Variants in SVEP1 observed in about 807,000 individuals in gnomAD.
The protein encoded by SVEP1 is sushi, von Willebrand factor type A, EGF and pentraxin domain containing 1.
A neutral mutation model predicts 367.3 loss-of-function variants in SVEP1; 164 were observed. The ratio of observed to expected loss-of-function variants is 0.45; its 90% CI spans 0.39 to 0.51. The LOEUF is 0.51. Among genes scored for constraint, SVEP1 ranks in the 20% least tolerant of loss-of-function variants. The pLI is 0.00. For synonymous variants in SVEP1, 1,666 were observed against 1,611.6 expected (o/e 1.03, Z -0.81); for missense variants, 4,117 against 4,425.3 (o/e 0.93, Z 1.98).
At chr9:110,393,563 G>T (rs192234653) in intron 40 of SVEP1, among the ~76,000 whole-genome samples, 1 of 152,166 alleles carries the variant, frequency 6.6e-6, no homozygotes, top group East Asian at 1.9e-4. Context: ...ATGAGGCATC[G>T]CCTCACCCGG....
In SVEP1 at chr9:110,411,733, T is replaced by C. The variant is rs1438556103; in HGVS notation, c.5978A>G (p.Tyr1993Cys). 11 of 1,550,702 alleles carry C rather than the reference T, an allele frequency of 7.1e-6. No individual in the cohort carries two copies. Among genetic ancestry groups the C allele is most frequent in the African/African-American group, 1.4e-5 (1 of 73,152 alleles). ...AATGGTGTCAAGACCAGCAAGAGTA[T>C]AGCTGTGAGGTTGGGAAGAAAGAAA... is the stretch of plus-strand genomic sequence containing the variant. The part of the protein sequence containing the change: ...NTVTYTCKEG[Y>C]TLAGLDTIEC... Residue 1993 changes from tyrosine (Y) to cysteine (C), a missense_variant and splice_region_variant, in exon 37 of 48, where the codon TAT (tyrosine) becomes TGT (cysteine). Coordinates refer to ENST00000374469, the MANE Select transcript of SVEP1 (RefSeq NM_153366.4).
Position 110,400,724 on chromosome 9 carries a change from A to G in SVEP1, c.9822+130T>C, listed in dbSNP as rs915657414. On this transcript the variant is annotated intron_variant, in intron 40 of 47. Transcript: ENST00000374469. ...AATATTTCTTGGAAAATGTTAGAGT[A>G]TAAGGGAACAAAGTATAATAGAATC... is the stretch of plus-strand genomic sequence containing the variant. 17 of 1,035,968 alleles carry G rather than the reference A, an allele frequency of 1.6e-5. No individual in the cohort carries two copies. In the East Asian group the frequency reaches 1.9e-4, roughly 11 times the overall value. 64.2% of individuals were successfully genotyped at this position (1,035,968 alleles called of 1,614,324 possible).
intron 3 of SVEP1, among the ~76,000 whole-genome samples, chr9:110,518,873 A>G (rs772866420): frequency 6.6e-6 from 1 of 152,152 alleles, no homozygotes; most frequent in African/African-American, 2.4e-5. Flanking sequence ...TTTCAAAACT[A>G]TAAATTCAGT....
chr9:110,457,449 T>C, intron 20 of SVEP1, 97 bp from the exon 21 acceptor site: 5 of 880,122 alleles, frequency 5.7e-6, no homozygotes, highest in Non-Finnish European at 8.9e-6. Context: ...AGACAGCTCG[T>C]TCCTCCTGTT....
intron 24 of SVEP1, among the ~76,000 whole-genome samples, chr9:110,447,329 T>C (rs1460801888): frequency 6.6e-6 from 1 of 152,224 alleles, no homozygotes; most frequent in Non-Finnish European, 1.5e-5. Flanking sequence ...TCTCTCCTCA[T>C]AGGAGTTCTC....
chr9:110,465,742 A>G (rs1326032762), intron 18 of SVEP1, 123 bp downstream of exon 18: 1 of 1,256,556 alleles, frequency 8.0e-7, no homozygotes, highest in African/African-American at 1.5e-5. Context: ...CCTCTTTATG[A>G]AGAGACAGTT....
rs555902060 is a variant in SVEP1, at chr9:110,511,573, A to C, written c.1303+1353T>G. 3.9e-5 allele frequency among the ~76,000 whole-genome samples: 5 copies of C among 128,856 alleles called. No individual in the cohort carries two copies. The Admixed American group carries it at 4.4e-4, about 11-fold the overall frequency. 84.5% of individuals were successfully genotyped at this position (128,856 alleles called of 152,430 possible). ...TCTCAAATTTCTTTCATTGCTTGGA[A>C]TCCTGGCCTTATTTTAGCAATGTAG... On this transcript the variant is annotated intron_variant, in intron 5 of 47. Coordinates refer to ENST00000374469, the MANE Select transcript of SVEP1 (RefSeq NM_153366.4).
In SVEP1 at chr9:110,375,465, T is replaced by TTAAA; in HGVS notation, c.10505-3_10505-2insTTTA. ...TCAGACAGGGAAGAATGCAGATTGC[T>TTAAA]AAAAAAAAAAAAAAAAAAAAAAAAA... On this transcript the variant is annotated splice_region_variant and splice_polypyrimidine_tract_variant and intron_variant, in intron 45 of 47. Coordinates refer to ENST00000374469, the MANE Select transcript of SVEP1 (RefSeq NM_153366.4). 2 of 555,402 alleles carry TTAAA rather than the reference T, an allele frequency of 3.6e-6. No homozygotes were observed. Among genetic ancestry groups the TTAAA allele is most frequent in the Admixed American group, 4.5e-5 (1 of 22,340 alleles). 34.4% of individuals were successfully genotyped at this position (555,402 alleles called of 1,614,324 possible).
intron 29 of SVEP1, among the ~76,000 whole-genome samples, 196 bp from the exon 30 acceptor site, chr9:110,434,702 A>ACTCTCCCTC (rs1828407684): frequency 6.9e-6 from 1 of 144,002 alleles, no homozygotes; most frequent in Middle Eastern, 3.6e-3. Flanking sequence ...TAAGTCAATA[A>ACTCTCCCTC]CTCTCCCTCT....
rs376229752 is a variant in SVEP1 at position 110,457,309 on chromosome 9, G to A, written c.3620C>T (p.Thr1207Ile). ...ATAACCACGCCCAAGTTGCTGGCAGGTTCCACTATTGTGGCAAGGGTTAAA... is the reference window on the plus strand; with the variant it reads ...ATAACCACGCCCAAGTTGCTGGCAGATTCCACTATTGTGGCAAGGGTTAAA... ...CFFNPCHNSG[T>I]CQQLGRGYVC... The change falls in exon 21 of 48, where the codon ACC (threonine) becomes ATC (isoleucine). Residue 1207 changes from threonine to isoleucine, a missense_variant. By Grantham distance (89) the Thr-to-Ile change is moderately conservative (BLOSUM62 -1). This residue lies in a region of SVEP1 where 2,174 missense variants were observed against 2,494.3 expected (regional missense o/e 0.87). Coordinates refer to ENST00000374469, the MANE Select transcript of SVEP1 (RefSeq NM_153366.4). 23 of 1,612,482 alleles carry A rather than the reference G, an allele frequency of 1.4e-5. No individual in the cohort carries two copies. The highest frequency in any genetic ancestry group is 6.6e-5 in the South Asian group (6 of 90,776).
chr9:110,501,966 G>A (rs1829539483), intron 6 of SVEP1, among the ~76,000 whole-genome samples: 1 of 151,994 alleles, frequency 6.6e-6, no homozygotes, highest in Non-Finnish European at 1.5e-5. Context: ...ACAGACCAAC[G>A]TAATGTTGGT....
At chr9:110,473,906 T>C (rs947902804) in intron 14 of SVEP1, among the ~76,000 whole-genome samples, 1 of 152,242 alleles carries the variant, frequency 6.6e-6, no homozygotes, top group Non-Finnish European at 1.5e-5. Context: ...TTCTATACAA[T>C]GTATGAATAT....
intron 43 of SVEP1, 137 bp downstream of exon 43, chr9:110,385,761 T>G (rs2118961502): frequency 2.1e-6 from 2 of 970,082 alleles, no homozygotes; most frequent in East Asian, 6.1e-5. Context: ...TTACAAACAT[T>G]AATGAGGAAG....
At chr9:110,380,883 T>C (rs1035350039) in intron 43 of SVEP1, among the ~76,000 whole-genome samples, 5 of 152,228 alleles carry the variant, frequency 3.3e-5, no homozygotes, top group Non-Finnish European at 7.3e-5. Context: ...TATTGGTCTA[T>C]TCAGGGATTC....
At chr9:110,413,742 G>T (rs1254319680) in intron 36 of SVEP1, among the ~76,000 whole-genome samples, 1 of 151,902 alleles carries the variant, frequency 6.6e-6, no homozygotes, top group Non-Finnish European at 1.5e-5. Flanking sequence ...AGGATATACA[G>T]TATTAGAATA....
Position 110,430,111 on chromosome 9 carries a change from T to C in SVEP1, c.5531-107A>G, listed in dbSNP as rs534055199. On this transcript the variant is annotated intron_variant, in intron 33 of 47. Coordinates refer to ENST00000374469, the MANE Select transcript of SVEP1 (RefSeq NM_153366.4). ...CTTTTTTTGTTTGTTTGTTTTCTTT[T>C]TTTTTTTTTTTGGTGTGTGTGTGTG... is the stretch of plus-strand genomic sequence containing the variant. 21 of 1,137,614 alleles carry C rather than the reference T, an allele frequency of 1.8e-5. No individual in the cohort carries two copies. The Admixed American group carries it at 4.4e-4, about 24-fold the overall frequency. The allele number at this position is 1,137,614 out of a possible 1,614,324, so 70.5% of individuals were successfully genotyped here.
At chr9:110,568,027 G>A (rs1026799843) in intron 1 of SVEP1, among the ~76,000 whole-genome samples, 10 of 152,170 alleles carry the variant, frequency 6.6e-5, no homozygotes, top group Non-Finnish European at 5.9e-5. Flanking sequence ...TTCTACACTG[G>A]CTCCCAGTGT....
At chr9:110,482,253 T>C in intron 11 of SVEP1, 108 bp downstream of exon 11, 1 of 1,235,438 alleles carries the variant, frequency 8.1e-7, no homozygotes, top group African/African-American at 1.5e-5. Context: ...GTCTTCTAAC[T>C]GTAAAAATCT....
intron 18 of SVEP1, among the ~76,000 whole-genome samples, chr9:110,460,338 C>CT (rs1828838819): frequency 7.3e-6 from 1 of 137,354 alleles, no homozygotes; most frequent in African/African-American, 2.7e-5. Context: ...AAAATAAATA[C>CT]TTCATTAAAA....
Sources: gnomAD v4.1 joint callset for allele counts (sites outside exome capture counted in the v4.1 genomes callset) on GRCh38, gnomAD v4.1.1 for gene constraint, gnomAD v4.1.1 regional missense constraint, MANE v1.5 for transcripts, NCBI Gene and HGNC (gene_info 2026-07-23, HGNC 2026-07-21) for gene names.